RAB23: variants seen among roughly 807,000 people sequenced by gnomAD.
RAB23 encodes the protein ras-related protein Rab-23.
RAB23 carries 15 observed loss-of-function variants against 30.0 expected under a neutral mutation model. The observed-to-expected ratio is 0.50, with a 90% CI of 0.33 to 0.77. The LOEUF is 0.77. Among genes scored for constraint, RAB23 ranks in the 30% least tolerant of loss-of-function variants. The pLI, the probability that RAB23 is intolerant of heterozygous loss-of-function variation, is 0.02. For missense variants in RAB23, 243 were observed against 275.4 expected (o/e 0.88, Z 0.83); for synonymous variants, 93 against 94.0 (o/e 0.99, Z 0.06).
intron 1 of RAB23, among the ~76,000 whole-genome samples, chr6:57,212,871 G>A (rs1765704966): frequency 6.6e-6 from 1 of 152,024 alleles, no homozygotes; most frequent in Admixed American, 6.6e-5. Flanking sequence ...GTGACAGAGC[G>A]AGGCCCTGTC....
rs549067448 is a variant in RAB23 at position 57,201,445 on chromosome 6, G to C, written c.242-4839C>G. Among the ~76,000 whole-genome samples the C allele has an allele frequency of 3.3e-3, 410 of 125,262 alleles. 1 individual carries two copies. Among genetic ancestry groups the C allele is most frequent in the Non-Finnish European group, 6.5e-3 (328 of 50,770 alleles). The allele number at this position is 125,262 out of a possible 152,430, so 82.2% of individuals were successfully genotyped here. On this transcript the variant is annotated intron_variant, in intron 3 of 6. Transcript: ENST00000468148. ...GGAAAGGAGAATCCTCATTTCTGAA[G>C]AGAGAAGGATACCAAAAGGAATCTG...
chr6:57,195,051 C>T (rs1311994608), intron 4 of RAB23, among the ~76,000 whole-genome samples, 199 bp from the exon 5 acceptor site: 1 of 152,056 alleles, frequency 6.6e-6, no homozygotes, highest in Non-Finnish European at 1.5e-5. Context: ...CAGTTGAAAG[C>T]TATGTTTTCA....
At chr6:57,198,392 T>C (rs369540001) in intron 3 of RAB23, among the ~76,000 whole-genome samples, 3 of 152,290 alleles carry the variant, frequency 2.0e-5, no homozygotes, top group East Asian at 3.9e-4. Flanking sequence ...CGGGTGCCTG[T>C]AGTCCCAGCT....
In RAB23 at chr6:57,190,003, A is replaced by C. The variant is rs1562647859; in HGVS notation, c.*458T>G. 9.8e-6 allele frequency: 2 copies of C among 203,454 alleles called. No individual in the cohort carries two copies. Among genetic ancestry groups the C allele is most frequent in the East Asian group, 2.6e-4 (2 of 7,796 alleles). The allele number at this position is 203,454 out of a possible 1,614,324, so 12.6% of individuals were successfully genotyped here. ...ATACTAATGCAGTCTGGCAAGATTT[A>C]GGGTTTACCTTTCAGTATTATTTTG... On this transcript the variant is annotated 3_prime_UTR_variant, in exon 7 of 7. Coordinates refer to ENST00000468148, the MANE Select transcript of RAB23 (RefSeq NM_016277.5).
chr6:57,194,198 T>C (rs1764939195), intron 5 of RAB23, among the ~76,000 whole-genome samples: 1 of 152,084 alleles, frequency 6.6e-6, no homozygotes, highest in Admixed American at 6.5e-5. Flanking sequence ...AGTATCTGAA[T>C]AGTGATTAAT....
At chr6:57,220,618 C>A (rs1056829246) in intron 1 of RAB23, among the ~76,000 whole-genome samples, 1 of 152,092 alleles carries the variant, frequency 6.6e-6, no homozygotes, top group Admixed American at 6.5e-5. Context: ...ATCTTAAAGG[C>A]ATTATGCTGA....
At chr6:57,206,173 C>T (rs1406414892) in intron 3 of RAB23, among the ~76,000 whole-genome samples, 1 of 152,008 alleles carries the variant, frequency 6.6e-6, no homozygotes, top group African/African-American at 2.4e-5. Flanking sequence ...ATGCAGAGAG[C>T]GCAGGTCTGG....
In RAB23 at chr6:57,190,229, G is replaced by A; in HGVS notation, c.*232C>T. On this transcript the variant is annotated 3_prime_UTR_variant, in exon 7 of 7. Transcript: ENST00000468148. ...TTATAGCATTCCTTTACAAACAGGA[G>A]AAGCTTCGTCTAATGTAAAAAAAAT... 1 of 484,538 alleles carries A rather than the reference G, an allele frequency of 2.1e-6. No individual in the cohort carries two copies. The highest frequency in any genetic ancestry group is 2.5e-5 in the South Asian group (1 of 40,584). The allele number at this position is 484,538 out of a possible 1,614,324, so 30.0% of individuals were successfully genotyped here.
chr6:57,207,300 C>T (rs1004493529), intron 3 of RAB23, among the ~76,000 whole-genome samples: 1 of 152,190 alleles, frequency 6.6e-6, no homozygotes, highest in Middle Eastern at 3.4e-3. Context: ...TTTACTTTTT[C>T]GTATGTTAGC....
chr6:57,214,877 T>A (rs1382868838), intron 1 of RAB23, among the ~76,000 whole-genome samples: 1 of 152,232 alleles, frequency 6.6e-6, no homozygotes, highest in South Asian at 2.1e-4. Context: ...ATTAGATTCA[T>A]GTAATAAGGA....
At chr6:57,198,711 A>G (rs1288965375) in intron 3 of RAB23, among the ~76,000 whole-genome samples, 3 of 152,104 alleles carry the variant, frequency 2.0e-5, no homozygotes, top group Non-Finnish European at 4.4e-5. Context: ...TCTTTATCAT[A>G]AAACTCAATG....
intron 1 of RAB23, among the ~76,000 whole-genome samples, chr6:57,217,695 TAGA>T (rs1040370450): frequency 3.3e-5 from 5 of 150,948 alleles, no homozygotes; most frequent in African/African-American, 4.9e-5. Flanking sequence ...CCTCAAGAAC[TAGA>T]AGAAGAGCAA....
chr6:57,207,917 T>G lies in RAB23; in HGVS notation c.156-204A>C, dbSNP rs74355952. Among the ~76,000 whole-genome samples the G allele has an allele frequency of 2.6e-5, 4 of 152,288 alleles. No homozygotes were observed. In the East Asian group the frequency reaches 7.7e-4, roughly 29 times the overall value. ...TGAAAATTAGGAGTCAAAAATGCATTTAACACCCCATTAAACCACTGTAAA... is the reference window on the plus strand; with the variant it reads ...TGAAAATTAGGAGTCAAAAATGCATGTAACACCCCATTAAACCACTGTAAA... On this transcript the variant is annotated intron_variant, in intron 2 of 6. Coordinates refer to ENST00000468148, the MANE Select transcript of RAB23 (RefSeq NM_016277.5).
At chr6:57,218,231 T>A (rs1455655895) in intron 1 of RAB23, among the ~76,000 whole-genome samples, 3 of 152,206 alleles carry the variant, frequency 2.0e-5, no homozygotes, top group Non-Finnish European at 4.4e-5. Context: ...GCCAGCATTA[T>A]CTTGATACCA....
chr6:57,194,514 T>C (rs1441365220), intron 5 of RAB23, among the ~76,000 whole-genome samples: 1 of 152,076 alleles, frequency 6.6e-6, no homozygotes, highest in African/African-American at 2.4e-5. Context: ...CATATGCATA[T>C]ACTCTACATA....
chr6:57,199,253 G>A (rs941362497), intron 3 of RAB23, among the ~76,000 whole-genome samples: 3 of 152,122 alleles, frequency 2.0e-5, no homozygotes, highest in Non-Finnish European at 4.4e-5. Context: ...CCTCTGGGTG[G>A]CGGGGGGGTG....
At chr6:57,218,382 T>C (rs1250832388) in intron 1 of RAB23, among the ~76,000 whole-genome samples, 4 of 152,224 alleles carry the variant, frequency 2.6e-5, no homozygotes, top group African/African-American at 9.6e-5. Flanking sequence ...ATTCTGGGAA[T>C]GCAAGGCTAG....
chr6:57,210,087 A>G lies in RAB23; in HGVS notation c.155+139T>C. ...GGATAAAGTTACATATGTCATGAAA[A>G]CCACCATCACTGTCGCATGAGCATT... On this transcript the variant is annotated intron_variant, in intron 2 of 6. Coordinates refer to ENST00000468148, the MANE Select transcript of RAB23 (RefSeq NM_016277.5). 4 of 841,334 alleles carry G rather than the reference A, an allele frequency of 4.8e-6. No homozygotes were observed. The South Asian group carries it at 6.1e-5, about 13-fold the overall frequency. 52.1% of individuals were successfully genotyped at this position (841,334 alleles called of 1,614,324 possible).
chr6:57,209,161 T>C (rs1367893681), intron 2 of RAB23, among the ~76,000 whole-genome samples: 5 of 152,154 alleles, frequency 3.3e-5, no homozygotes, highest in African/African-American at 1.2e-4. Flanking sequence ...CTGTATGAGG[T>C]ACTGAAACAA....
Sources: gnomAD v4.1 joint callset for allele counts (sites outside exome capture counted in the v4.1 genomes callset) on GRCh38, gnomAD v4.1.1 for gene constraint, MANE v1.5 for transcripts, NCBI Gene and HGNC (gene_info 2026-07-23, HGNC 2026-07-21) for gene names.